The following RPH3AL variants were observed in gnomAD, a reference collection of about 807,000 sequenced individuals.
The protein encoded by RPH3AL is rabphilin 3A like (without C2 domains), also known as rab effector Noc2.
A neutral mutation model predicts 43.1 loss-of-function variants in RPH3AL; 38 were observed. The observed-to-expected ratio is 0.88, with a 90% CI of 0.68 to 1.15. The LOEUF is 1.15. Among genes scored for constraint, RPH3AL ranks in the 50% most tolerant of loss-of-function variants. The probability of loss-of-function intolerance (pLI) is 0.00; values close to 1 mark genes in which losing one functional copy is unlikely to be tolerated. For missense variants in RPH3AL, 462 were observed against 423.2 expected (o/e 1.09, Z -0.81); for synonymous variants, 189 against 176.3 (o/e 1.07, Z -0.57).
At chr17:273,620 A>AGCGAGGGCGACGTCGGGGAGAGACCCCT (rs2042582341) in intron 6 of RPH3AL, among the ~76,000 whole-genome samples, 1 of 47,526 alleles carries the variant, frequency 2.1e-5, no homozygotes, top group African/African-American at 7.6e-5. Flanking sequence ...AAGAGACCCC[A>AGCGAGGGCGACGTCGGGGAGAGACCCCT]GCGAGGGCGA....
intron 6 of RPH3AL, among the ~76,000 whole-genome samples, chr17:266,719 A>G (rs561971154): frequency 6.6e-6 from 1 of 152,338 alleles, no homozygotes; most frequent in African/African-American, 2.4e-5. Context: ...GCAGTGAGAA[A>G]CAGAATTCTG....
chr17:292,695 G>C (rs1567619871), intron 5 of RPH3AL, among the ~76,000 whole-genome samples: 1 of 152,106 alleles, frequency 6.6e-6, no homozygotes, highest in African/African-American at 2.4e-5. Flanking sequence ...CCCACCCCGA[G>C]GTAAGGCAAG....
At chr17:312,446 G>T (rs905822339) in intron 5 of RPH3AL, among the ~76,000 whole-genome samples, 9 of 152,142 alleles carry the variant, frequency 5.9e-5, no homozygotes, top group Non-Finnish European at 1.3e-4. Context: ...TCAGAATTTC[G>T]TGCCTCCAAA....
rs1222161734 is a variant in RPH3AL, at chr17:242,864, T to C, written c.613+4247A>G. ...TCTATTGATTACCTTCCTCTATTGATTACCCTTCCTCTATTGACTACCTTC... is the reference window on the plus strand; with the variant it reads ...TCTATTGATTACCTTCCTCTATTGACTACCCTTCCTCTATTGACTACCTTC... On this transcript the variant is annotated intron_variant, in intron 7 of 9. Coordinates refer to ENST00000331302, the MANE Select transcript of RPH3AL (RefSeq NM_006987.4). Among the ~76,000 whole-genome samples, 25 of 66,720 alleles carry C rather than the reference T, an allele frequency of 3.7e-4. 1 individual carries two copies. The highest frequency in any genetic ancestry group is 6.8e-4 in the East Asian group (1 of 1,474). 43.8% of individuals were successfully genotyped at this position (66,720 alleles called of 152,430 possible). A position where few individuals can be genotyped will look rare whatever the true frequency, so the allele number is the denominator to read the frequency against.
At chr17:282,715 A>G (rs1274840645) in intron 5 of RPH3AL, among the ~76,000 whole-genome samples, 2 of 152,238 alleles carry the variant, frequency 1.3e-5, no homozygotes, top group Admixed American at 6.5e-5. Flanking sequence ...GAGCACACTT[A>G]CGCAAACCAA....
intron 6 of RPH3AL, among the ~76,000 whole-genome samples, chr17:263,219 G>A (rs1346672917): frequency 6.6e-6 from 1 of 152,210 alleles, no homozygotes; most frequent in Non-Finnish European, 1.5e-5. Flanking sequence ...CTCACACACA[G>A]GGAGTCAAGG....
chr17:331,753 C>T (rs1398944822), intron 2 of RPH3AL: 1 of 1,289,166 alleles, frequency 7.8e-7, no homozygotes, highest in Non-Finnish European at 1.0e-6. Context: ...TCAGCACTCA[C>T]CTCTTGGGCT....
intron 5 of RPH3AL, among the ~76,000 whole-genome samples, chr17:316,905 C>T (rs2044249382): frequency 6.6e-6 from 1 of 150,916 alleles, no homozygotes. Context: ...CCCTGTGCTC[C>T]ACCTCCACTG....
chr17:263,980 G>T (rs576198632), intron 6 of RPH3AL, among the ~76,000 whole-genome samples: 115 of 152,252 alleles, frequency 7.6e-4, no homozygotes, highest in Non-Finnish European at 1.2e-3. Flanking sequence ...AGGAAACAAG[G>T]GCCTGAGGGT....
Position 225,170 on chromosome 17 carries a change from C to T in RPH3AL, c.614-5434G>A, listed in dbSNP as rs966027508. Among the ~76,000 whole-genome samples, 1 of 151,700 alleles carries T rather than the reference C, an allele frequency of 6.6e-6. No homozygotes were observed. Among genetic ancestry groups the T allele is most frequent in the Non-Finnish European group, 1.5e-5 (1 of 67,964 alleles). On this transcript the variant is annotated intron_variant, in intron 7 of 9. Transcript: ENST00000331302. The surrounding 1 kb of genome is among the most constrained non-coding windows in gnomAD (Gnocchi z 4.4). The stretch of plus-strand genomic sequence containing the variant: ...GGATCAGGCCTGGCCTCTCCTTCCT[C>T]CATCTGCTCAGAGGCTCTGCCTTTT...
intron 1 of RPH3AL, 130 bp downstream of exon 1, chr17:352,580 CAA>C (rs1313267984): frequency 2.0e-5 from 3 of 152,254 alleles, no homozygotes; most frequent in Admixed American, 6.5e-5. Context: ...GCTCTCCCAG[CAA>C]AGACACAAAC....
rs1340112914 is a variant in RPH3AL at position 290,914 on chromosome 17, C to A, written c.352-9060G>T. ...TGGCACAGAGAGGGCTGTTCATGAG[C>A]CTCACTCGACCGAAAAGGGTGAAAC... On this transcript the variant is annotated intron_variant, in intron 5 of 9. Transcript: ENST00000331302. This position sits in a 1 kb window ranked among gnomAD's most constrained non-coding sequence, Gnocchi z 4.2. Among the ~76,000 whole-genome samples the A allele has an allele frequency of 6.6e-5, 10 of 152,148 alleles. No homozygotes were observed. Among genetic ancestry groups the A allele is most frequent in the Non-Finnish European group, 1.2e-4 (8 of 68,036 alleles).
At chr17:237,926 T>C (rs2041438313) in intron 7 of RPH3AL, among the ~76,000 whole-genome samples, 1 of 152,028 alleles carries the variant, frequency 6.6e-6, no homozygotes, top group Non-Finnish European at 1.5e-5. Context: ...GCCAGACAGA[T>C]GACTTGAGCC....
chr17:266,891 G>A lies in RPH3AL; in HGVS notation c.438+14877C>T, dbSNP rs148269550. Among the ~76,000 whole-genome samples the A allele has an allele frequency of 2.6e-3, 401 of 152,352 alleles. 5 individuals carry two copies. Among genetic ancestry groups the A allele is most frequent in the African/African-American group, 9.3e-3 (387 of 41,572 alleles). On this transcript the variant is annotated intron_variant, in intron 6 of 9. Coordinates refer to ENST00000331302, the MANE Select transcript of RPH3AL (RefSeq NM_006987.4). ...GCATTTGCCAGTCGCAGAGGGAGGT[G>A]TTGCCCAACGCTGGCTCCCGATGCC... is the stretch of plus-strand genomic sequence containing the variant.
intron 7 of RPH3AL, among the ~76,000 whole-genome samples, chr17:228,983 G>A (rs2041166014): frequency 6.6e-6 from 1 of 152,174 alleles, no homozygotes; most frequent in Non-Finnish European, 1.5e-5. Flanking sequence ...CTTCCCATCT[G>A]TAAAATGGAG....
intron 1 of RPH3AL, among the ~76,000 whole-genome samples, chr17:348,449 A>G (rs2045286822): frequency 6.6e-6 from 1 of 152,098 alleles, no homozygotes; most frequent in African/African-American, 2.4e-5. Flanking sequence ...CAAGATGTTA[A>G]TCATGGGAAA....
At chr17:260,716 A>G (rs930614697) in intron 6 of RPH3AL, among the ~76,000 whole-genome samples, 4 of 152,006 alleles carry the variant, frequency 2.6e-5, no homozygotes, top group Admixed American at 2.6e-4. Flanking sequence ...CACACTCACA[A>G]TGCTGGTCTC....
At chr17:253,566 G>A (rs572355204) in intron 6 of RPH3AL, among the ~76,000 whole-genome samples, 4 of 152,140 alleles carry the variant, frequency 2.6e-5, no homozygotes. Flanking sequence ...ATCACCTGAA[G>A]TGCAACCCAT....
At chr17:270,160 G>A (rs1037361265) in intron 6 of RPH3AL, among the ~76,000 whole-genome samples, 1 of 152,082 alleles carries the variant, frequency 6.6e-6, no homozygotes, top group Non-Finnish European at 1.5e-5. Flanking sequence ...CAGACGGTGG[G>A]GTGCTCAGGC....
Sources: gnomAD v4.1 joint callset for allele counts (sites outside exome capture counted in the v4.1 genomes callset) on GRCh38, gnomAD v4.1.1 for gene constraint, Gnocchi (gnomAD v3.1) non-coding constraint, MANE v1.5 for transcripts, NCBI Gene and HGNC (gene_info 2026-07-23, HGNC 2026-07-21) for gene names.